The following GET4 variants were observed in gnomAD, a reference collection of about 807,000 sequenced individuals.
The protein encoded by GET4 is guided entry of tail-anchored proteins factor 4, also known as Golgi to ER traffic protein 4 homolog.
In GET4, 20 loss-of-function variants were observed where a neutral mutation model predicts 40.0. The ratio of observed to expected loss-of-function variants is 0.50; its 90% CI spans 0.35 to 0.73. GET4 has a LOEUF of 0.73. Among genes scored for constraint, GET4 ranks in the 30% least tolerant of loss-of-function variants. The pLI is 0.01. For missense variants in GET4, 557 were observed against 454.0 expected (o/e 1.23, Z -2.06); for synonymous variants, 280 against 194.6 (o/e 1.44, Z -3.65).
At chr7:886,814 C>T (rs1040613923) in intron 3 of GET4, among the ~76,000 whole-genome samples, 164 bp downstream of exon 3, 3 of 152,238 alleles carry the variant, frequency 2.0e-5, no homozygotes, top group African/African-American at 7.2e-5. Context: ...GAGCCAGGCC[C>T]CCTGGCTGAC....
At chr7:893,467 C>A (rs114950353) in intron 6 of GET4, among the ~76,000 whole-genome samples, 1 of 122,944 alleles carries the variant, frequency 8.1e-6, no homozygotes, top group Non-Finnish European at 1.6e-5. Flanking sequence ...TGGGCGCGGG[C>A]GCGGTGGTTT....
chr7:894,255 G>A (rs922355022), intron 8 of GET4, among the ~76,000 whole-genome samples: 11 of 151,970 alleles, frequency 7.2e-5, no homozygotes, highest in South Asian at 6.2e-4. Flanking sequence ...GTGCTCCCCC[G>A]TCTCTCTGTG....
chr7:892,836 C>A (rs898332171), intron 6 of GET4, among the ~76,000 whole-genome samples: 2 of 145,448 alleles, frequency 1.4e-5, no homozygotes, highest in South Asian at 2.2e-4. Flanking sequence ...GCAGGTGTTG[C>A]GTGTCTGGTG....
chr7:895,225 T>C (rs974854100), intron 8 of GET4, 109 bp from the exon 9 acceptor site: 3 of 617,278 alleles, frequency 4.9e-6, no homozygotes, highest in East Asian at 2.8e-5. Flanking sequence ...AGGCTTTTGC[T>C]TGTTCCATGG....
At chr7:879,234 G>C (rs1214665026) in intron 1 of GET4, among the ~76,000 whole-genome samples, 1 of 152,268 alleles carries the variant, frequency 6.6e-6, no homozygotes, top group Non-Finnish European at 1.5e-5. Context: ...CGCCCAACCT[G>C]TGCCTGCGCC....
chr7:886,678 C>A, intron 3 of GET4, 28 bp downstream of exon 3: 2 of 1,512,114 alleles, frequency 1.3e-6, no homozygotes, highest in African/African-American at 1.4e-5. Flanking sequence ...CACCCCGGGA[C>A]CCTGTGACAG....
rs576055498 is a variant in GET4, at chr7:878,185, A to T, written c.155+1385A>T. ...AGGGCGAGCGCGAGCAGAGCTGGCTATGCTGGGTTAACTGCACGCCCCTCG... is the reference window on the plus strand; with the variant it reads ...AGGGCGAGCGCGAGCAGAGCTGGCTTTGCTGGGTTAACTGCACGCCCCTCG... On this transcript the variant is annotated intron_variant, in intron 1 of 8. Transcript: ENST00000265857. 2.8e-4 allele frequency: 129 copies of T among 458,312 alleles called. 2 individuals carry two copies. The highest frequency in any genetic ancestry group is 1.8e-3 in the South Asian group (113 of 63,554). The allele number at this position is 458,312 out of a possible 1,614,324, so 28.4% of individuals were successfully genotyped here. A position where few individuals can be genotyped will look rare whatever the true frequency, so the allele number is the denominator to read the frequency against.
intron 5 of GET4, 127 bp from the exon 6 acceptor site, chr7:892,151 T>G: frequency 1.1e-6 from 1 of 891,488 alleles, no homozygotes; most frequent in Non-Finnish European, 1.8e-6. Flanking sequence ...ACTGGGTCCC[T>G]CCATGGCCTT....
intron 1 of GET4, among the ~76,000 whole-genome samples, chr7:877,404 G>A (rs1290115716): frequency 7.9e-4 from 71 of 90,240 alleles, no homozygotes; most frequent in African/African-American, 3.0e-3. Flanking sequence ...TGCTCCCTCC[G>A]TCTCTCTCTC....
At chr7:885,876 T>C (rs1025586740) in intron 1 of GET4, 180 bp from the exon 2 acceptor site, 15 of 601,402 alleles carry the variant, frequency 2.5e-5, no homozygotes, top group Non-Finnish European at 4.1e-5. Context: ...GCAGCCCTCA[T>C]GGTCAGCAGG....
chr7:890,866 C>G, intron 4 of GET4, 62 bp from the exon 5 acceptor site: 1 of 1,312,772 alleles, frequency 7.6e-7, no homozygotes, highest in African/African-American at 1.4e-5. Flanking sequence ...TGTCTTTCCC[C>G]CTTTCCTTTT....
In GET4 at chr7:886,995, G is replaced by A. The variant is rs1482534487; in HGVS notation, c.316+345G>A. 9 of 513,568 alleles carry A rather than the reference G, an allele frequency of 1.8e-5. No individual in the cohort carries two copies. In the East Asian group the frequency reaches 1.9e-4, roughly 11 times the overall value. 31.8% of individuals were successfully genotyped at this position (513,568 alleles called of 1,614,324 possible). On this transcript the variant is annotated intron_variant, in intron 3 of 8. Coordinates refer to ENST00000265857, the MANE Select transcript of GET4 (RefSeq NM_015949.3). Reference sequence around the variant, plus strand: ...CTGTCCTGTCGGGTGACGTGCGGTTGGCAGAGCCCTTCTGTGAGCTGCCTG... The same window carrying A: ...CTGTCCTGTCGGGTGACGTGCGGTTAGCAGAGCCCTTCTGTGAGCTGCCTG...
At chr7:891,944 T>A (rs1844332524) in intron 5 of GET4, among the ~76,000 whole-genome samples, 2 of 152,126 alleles carry the variant, frequency 1.3e-5, no homozygotes, top group African/African-American at 4.8e-5. Context: ...CATGGCGGAG[T>A]GTTCTGGTGC....
intron 4 of GET4, among the ~76,000 whole-genome samples, chr7:888,093 G>A (rs986193614): frequency 9.2e-5 from 14 of 152,310 alleles, no homozygotes; most frequent in African/African-American, 3.1e-4. Context: ...TGGCACCAGC[G>A]CTGTGAGATG....
At chr7:893,498 CGGGCATGGTGGTTGCAGGTGAGT>C (rs1844388050) in intron 6 of GET4, among the ~76,000 whole-genome samples, 1 of 79,812 alleles carries the variant, frequency 1.3e-5, no homozygotes, top group Non-Finnish European at 2.5e-5. Context: ...GTGTTGGGTG[CGGGCATGGTGGTTGCAGGTGAGT>C]GTTGGGTGTA....
intron 1 of GET4, among the ~76,000 whole-genome samples, chr7:878,748 T>C (rs1844021227): frequency 6.6e-6 from 1 of 151,944 alleles, no homozygotes; most frequent in Non-Finnish European, 1.5e-5. Flanking sequence ...CCCCGGCTAA[T>C]TTTTGTATTT....
rs1844440475 is a variant in GET4 at position 894,930 on chromosome 7, C to G, written c.896-404C>G. Among the ~76,000 whole-genome samples the G allele has an allele frequency of 1.3e-5, 2 of 152,194 alleles. 1 individual carries two copies. Among genetic ancestry groups the G allele is most frequent in the Admixed American group, 1.3e-4 (2 of 15,282 alleles). On this transcript the variant is annotated intron_variant, in intron 8 of 8. Coordinates refer to ENST00000265857, the MANE Select transcript of GET4 (RefSeq NM_015949.3). The stretch of plus-strand genomic sequence containing the variant: ...GCACATCCAGTTGATTCATGTGTCA[C>G]TGTAGGGCGCAGTGTGCTCTACAGC...
chr7:891,899 G>A (rs886419678), intron 5 of GET4, among the ~76,000 whole-genome samples: 5 of 152,386 alleles, frequency 3.3e-5, no homozygotes, highest in Middle Eastern at 3.4e-3. Flanking sequence ...TCGAACAGAA[G>A]CCAGGGTCTG....
At chr7:886,245 G>T (rs949087908) in intron 2 of GET4, 111 bp downstream of exon 2, 3 of 721,012 alleles carry the variant, frequency 4.2e-6, no homozygotes, top group East Asian at 2.6e-5. Context: ...CCTGGGCCTC[G>T]GCCACTGGGG....
Sources: gnomAD v4.1 joint callset for allele counts (sites outside exome capture counted in the v4.1 genomes callset) on GRCh38, gnomAD v4.1.1 for gene constraint, MANE v1.5 for transcripts, NCBI Gene and HGNC (gene_info 2026-07-23, HGNC 2026-07-21) for gene names.